CLCN4: variants seen among roughly 807,000 people sequenced by gnomAD.
CLCN4 encodes H(+)/Cl(-) exchange transporter 4.
Under a neutral mutation model 41.7 loss-of-function variants are expected in CLCN4, and 1 was observed. The ratio of observed to expected loss-of-function variants is 0.02; its 90% CI spans 0.01 to 0.11. CLCN4 has a LOEUF of 0.11. Ranked by LOEUF, CLCN4 falls within the 10% of genes least tolerant of loss-of-function variation. The pLI is 1.00. For missense variants in CLCN4, 287 were observed against 661.0 expected (o/e 0.43, Z 6.20); for synonymous variants, 277 against 285.8 (o/e 0.97, Z 0.31).
intron 12 of CLCN4, among the ~76,000 whole-genome samples, chrX:10,229,468 A>G (rs1925070553): frequency 9.1e-6 from 1 of 109,576 alleles, no homozygotes; most frequent in Admixed American, 9.7e-5. Context: ...ATATGTATAC[A>G]TGTGCCATGT....
chrX:10,208,837 G>T (rs1924462938), intron 9 of CLCN4, among the ~76,000 whole-genome samples: 1 of 111,899 alleles, frequency 8.9e-6, no homozygotes, highest in South Asian at 3.7e-4. Flanking sequence ...ATCTTAAGTG[G>T]CTTGATCAGA....
intron 6 of CLCN4, among the ~76,000 whole-genome samples, chrX:10,198,933 A>G (rs1924167033): frequency 8.9e-6 from 1 of 112,453 alleles, no homozygotes; most frequent in African/African-American, 3.2e-5. Flanking sequence ...TGGGCTGAGT[A>G]TGGCAGTAAA....
intron 11 of CLCN4, among the ~76,000 whole-genome samples, chrX:10,215,798 T>A (rs1265702760): frequency 8.9e-6 from 1 of 111,906 alleles, no homozygotes; most frequent in East Asian, 2.8e-4. Flanking sequence ...GAGAAGAAAT[T>A]TAAGCTTACC....
At chrX:10,184,476 G>C (rs187788986) in intron 2 of CLCN4, among the ~76,000 whole-genome samples, 1 of 111,360 alleles carries the variant, frequency 9.0e-6, no homozygotes, top group African/African-American at 3.3e-5. Context: ...TGTCAACAAG[G>C]GTCCTTTTCG....
In CLCN4 at chrX:10,185,002, C is replaced by T. The variant is rs368495433; in HGVS notation, c.-11-20C>T. 3.7e-5 allele frequency: 43 copies of T among 1,171,384 alleles called. No individual in the cohort carries two copies. Among genetic ancestry groups the T allele is most frequent in the Admixed American group, 4.6e-5 (2 of 43,158 alleles). On this transcript the variant is annotated intron_variant, in intron 2 of 12. Coordinates refer to ENST00000380833, the MANE Select transcript of CLCN4 (RefSeq NM_001830.4). The stretch of plus-strand genomic sequence containing the variant: ...TGGCATGTCCTGCTCATGTCTTTAA[C>T]GACCGGTTTTCTTGCCCAGGTGTAA...
intron 2 of CLCN4, among the ~76,000 whole-genome samples, chrX:10,184,253 A>G (rs915169432): frequency 2.9e-4 from 32 of 112,114 alleles, no homozygotes; most frequent in Admixed American, 2.8e-4. Context: ...AGGAATGTAT[A>G]TAATTAATTA....
At chrX:10,189,463 C>T (rs982359468) in intron 4 of CLCN4, among the ~76,000 whole-genome samples, 2 of 111,896 alleles carry the variant, frequency 1.8e-5, no homozygotes, top group African/African-American at 6.5e-5. Context: ...CCTGCCCCTC[C>T]CCTCTGTGAT....
At chrX:10,166,493 A>G (rs5934785) in intron 2 of CLCN4, among the ~76,000 whole-genome samples, 26,878 of 110,431 alleles carry the variant, frequency 0.24, 2,561 homozygotes, top group African/African-American at 0.33. Context: ...TGCCCTCTCC[A>G]TGGAGGCACA....
At chrX:10,169,477 A>G (rs1258476149) in intron 2 of CLCN4, among the ~76,000 whole-genome samples, 1 of 111,571 alleles carries the variant, frequency 9.0e-6, no homozygotes, top group Non-Finnish European at 1.9e-5. Flanking sequence ...GAAAAGTAAC[A>G]AGGGAAACAA....
At chrX:10,195,229 C>G in intron 5 of CLCN4, 131 bp downstream of exon 5, 1 of 597,838 alleles carries the variant, frequency 1.7e-6, no homozygotes, top group Admixed American at 3.3e-5. Flanking sequence ...TGGCTTAACA[C>G]TAGATGACGG....
intron 6 of CLCN4, among the ~76,000 whole-genome samples, chrX:10,199,790 G>A (rs1008199182): frequency 2.8e-5 from 3 of 107,431 alleles, no homozygotes; most frequent in Non-Finnish European, 3.8e-5. Flanking sequence ...ACAGAGTCTC[G>A]CTCTGTTGCC....
intron 2 of CLCN4, among the ~76,000 whole-genome samples, chrX:10,181,329 ACT>A: frequency 9.3e-6 from 1 of 107,633 alleles, no homozygotes; most frequent in Admixed American, 1.0e-4. Context: ...ACTGCACTCT[ACT>A]GTGGGTGACA....
rs2147194064 is a variant in CLCN4, at chrX:10,233,751, A to G, written c.*167A>G. 1 of 435,829 alleles carries G rather than the reference A, an allele frequency of 2.3e-6. No homozygotes were observed. Among genetic ancestry groups the G allele is most frequent in the East Asian group, 3.9e-5 (1 of 25,377 alleles). 35.9% of individuals were successfully genotyped at this position (435,829 alleles called of 1,213,427 possible). ...TGAAACCTTTAAAAACAAAAACAAA[A>G]ACATCAATGAGTAGGCATTTTATAG... On this transcript the variant is annotated 3_prime_UTR_variant, in exon 13 of 13. Transcript: ENST00000380833.
intron 9 of CLCN4, among the ~76,000 whole-genome samples, chrX:10,210,690 CTG>C (rs1325202686): frequency 1.2e-5 from 1 of 86,821 alleles, no homozygotes; most frequent in Non-Finnish European, 2.1e-5. Context: ...GGGTCTCACT[CTG>C]TTGTCCAGGC....
intron 4 of CLCN4, among the ~76,000 whole-genome samples, chrX:10,191,120 G>T (rs758496441): frequency 9.0e-6 from 1 of 111,452 alleles, no homozygotes; most frequent in East Asian, 2.8e-4. Context: ...CATCACCGTG[G>T]TCGATTTTAG....
chrX:10,180,767 CAAAAAAAAAAAAAA>C (rs869040200), intron 2 of CLCN4, among the ~76,000 whole-genome samples: 11 of 25,044 alleles, frequency 4.4e-4, no homozygotes, highest in East Asian at 2.0e-3. Context: ...AACTCCATCT[CAAAAAAAAAAAAAA>C]AAAAAAAAAA....
At chrX:10,222,782 G>T (rs1377228239) in intron 12 of CLCN4, among the ~76,000 whole-genome samples, 1 of 111,894 alleles carries the variant, frequency 8.9e-6, no homozygotes, top group African/African-American at 3.3e-5. Context: ...AGCACACAGG[G>T]GGACAGGCTT....
chrX:10,229,615 A>G (rs992267646), intron 12 of CLCN4, among the ~76,000 whole-genome samples: 5 of 107,526 alleles, frequency 4.7e-5, no homozygotes, highest in Non-Finnish European at 7.7e-5. Flanking sequence ...TCATTGTTCA[A>G]TTCCCACCTA....
At chrX:10,168,943 T>C (rs978642075) in intron 2 of CLCN4, among the ~76,000 whole-genome samples, 6 of 111,042 alleles carry the variant, frequency 5.4e-5, no homozygotes, top group Admixed American at 9.6e-5. Flanking sequence ...TGGTACCTCT[T>C]TCCTCCTCAT....
Sources: allele counts gnomAD v4.1 joint callset (sites outside exome capture counted in the v4.1 genomes callset), GRCh38; gene constraint gnomAD v4.1.1; transcripts MANE v1.5; gene names NCBI Gene and HGNC (gene_info 2026-07-23, HGNC 2026-07-21).